The following C5orf34 variants were observed in gnomAD, a reference collection of about 807,000 sequenced individuals.
C5orf34 encodes the protein uncharacterized protein C5orf34.
Under a neutral mutation model 78.4 loss-of-function variants are expected in C5orf34, and 73 were observed. The observed-to-expected ratio is 0.93, with a 90% CI of 0.77 to 1.13. The LOEUF (loss-of-function observed/expected upper bound fraction) is 1.13, where lower values mean the gene tolerates loss of function less well. Among genes scored for constraint, C5orf34 ranks in the 50% most tolerant of loss-of-function variants. C5orf34 has a pLI of 0.00. For missense variants in C5orf34, 730 were observed against 732.7 expected (o/e 1.00, Z 0.04); for synonymous variants, 251 against 246.6 (o/e 1.02, Z -0.17).
intron 12 of C5orf34, 78 bp downstream of exon 12, chr5:43,487,831 A>C: frequency 2.8e-6 from 3 of 1,068,200 alleles, no homozygotes; most frequent in Non-Finnish European, 4.2e-6. Context: ...TAATATTCAC[A>C]AAGTACTGAA....
chr5:43,513,771 T>G (rs1746371459), intron 1 of C5orf34, among the ~76,000 whole-genome samples: 1 of 152,212 alleles, frequency 6.6e-6, no homozygotes, highest in South Asian at 2.1e-4. Flanking sequence ...CAAATGTAAC[T>G]CCTACAAGGG....
intron 6 of C5orf34, chr5:43,496,600 T>A: frequency 4.6e-6 from 2 of 432,492 alleles, no homozygotes; most frequent in South Asian, 6.4e-5. Context: ...TTTTTTTTTT[T>A]TTTTTGGAGA....
chr5:43,510,498 C>G (rs1746182634), intron 1 of C5orf34, among the ~76,000 whole-genome samples: 1 of 152,224 alleles, frequency 6.6e-6, no homozygotes. Context: ...CTAGCGGAAG[C>G]TGGACTGTAC....
chr5:43,505,601 C>G (rs1343798959), intron 4 of C5orf34, 147 bp downstream of exon 4: 1 of 692,474 alleles, frequency 1.4e-6, no homozygotes, highest in South Asian at 2.5e-5. Flanking sequence ...AACACATTTG[C>G]TAGGGAAATT....
chr5:43,512,477 C>T (rs1033216274), intron 1 of C5orf34, among the ~76,000 whole-genome samples: 1 of 152,196 alleles, frequency 6.6e-6, no homozygotes, highest in African/African-American at 2.4e-5. Context: ...TCGCAATGGT[C>T]GCCAATGTCT....
At chr5:43,500,723 G>A (rs1006231283) in intron 6 of C5orf34, among the ~76,000 whole-genome samples, 7 of 152,168 alleles carry the variant, frequency 4.6e-5, no homozygotes, top group African/African-American at 1.7e-4. Flanking sequence ...ACGTAAGTTT[G>A]AAGATTTCAA....
chr5:43,510,493 G>A (rs190930983), intron 1 of C5orf34, among the ~76,000 whole-genome samples: 20 of 152,260 alleles, frequency 1.3e-4, no homozygotes, highest in East Asian at 5.8e-4. Context: ...GATGCCTAGC[G>A]GAAGCTGGAC....
chr5:43,508,664 C>G lies in C5orf34; in HGVS notation c.198G>C (p.Glu66Asp), dbSNP rs1746094298. 2 of 1,574,960 alleles carry G rather than the reference C, an allele frequency of 1.3e-6. No individual in the cohort carries two copies. Among genetic ancestry groups the G allele is most frequent in the East Asian group, 2.2e-5 (1 of 44,662 alleles). Residue 66 changes from glutamate (E) to aspartate (D), a missense_variant and splice_region_variant, in exon 3 of 13, where the codon GAG (glutamate) becomes GAC (aspartate). Transcript: ENST00000306862. The stretch of plus-strand genomic sequence containing the variant: ...GAAAATCTAGGGCTCGCTGTAGTTG[C>G]TCCTATGAAAAGAAATATAAAATGT... ...RTHFVISTYR[E>D]QLQRALDFRN... is the part of the protein sequence containing the mutation.
At chr5:43,495,975 A>G (rs1167684114) in intron 6 of C5orf34, 6 of 1,590,988 alleles carry the variant, frequency 3.8e-6, no homozygotes, top group South Asian at 1.1e-5. Flanking sequence ...TTCTGGCTGT[A>G]GGGTGGCTCA....
At chr5:43,496,417 A>G (rs1300052525) in intron 6 of C5orf34, 24 of 1,594,586 alleles carry the variant, frequency 1.5e-5, no homozygotes, top group African/African-American at 6.7e-5. Flanking sequence ...TACGTGTCCA[A>G]TGACGACAAT....
chr5:43,489,871 T>G (rs887139812), intron 11 of C5orf34, among the ~76,000 whole-genome samples: 1 of 152,092 alleles, frequency 6.6e-6, no homozygotes, highest in African/African-American at 2.4e-5. Context: ...TATATTCAGG[T>G]TAGACTCTCA....
chr5:43,492,649 A>G, intron 9 of C5orf34, 71 bp downstream of exon 9: 1 of 1,287,648 alleles, frequency 7.8e-7, no homozygotes, highest in Non-Finnish European at 1.1e-6. Flanking sequence ...ATAGTGTGGT[A>G]CTTTGTTTTC....
chr5:43,492,961 A>G, intron 8 of C5orf34, 71 bp from the exon 9 acceptor site: 1 of 1,042,680 alleles, frequency 9.6e-7, no homozygotes, highest in Non-Finnish European at 1.4e-6. Context: ...AATATTAATG[A>G]CTCTAGGGCA....
intron 11 of C5orf34, among the ~76,000 whole-genome samples, chr5:43,489,453 A>G (rs905102644): frequency 4.6e-5 from 7 of 152,020 alleles, no homozygotes; most frequent in Non-Finnish European, 1.0e-4. Context: ...ACCAATCTCT[A>G]CTTGCAGTTT....
chr5:43,502,985 A>T lies in C5orf34; in HGVS notation c.1029-490T>A, dbSNP rs2112310248. 2.6e-5 allele frequency among the ~76,000 whole-genome samples: 4 copies of T among 152,368 alleles called. No homozygotes were observed. In the South Asian group the frequency reaches 8.3e-4, roughly 32 times the overall value. On this transcript the variant is annotated intron_variant, in intron 5 of 12. Coordinates refer to ENST00000306862, the MANE Select transcript of C5orf34 (RefSeq NM_198566.4). ...CAGGTACAATCAAGGTACTGGGTAT[A>T]TACCAAATAGAAACTTAAGCCAAGT... is the stretch of plus-strand genomic sequence containing the variant.
chr5:43,511,392 GCTCCGTCCGGGAGGGAGGTGGGGGGCGC>G (rs1398896221), intron 1 of C5orf34: 1 of 154,164 alleles, frequency 6.5e-6, no homozygotes, highest in Non-Finnish European at 1.4e-5. Flanking sequence ...CCGGCCAGCC[GCTCCGTCCGGGAGGGAGGTGGGGGGCGC>G]CTCCGCCCGG....
chr5:43,494,006 A>G (rs1430933923), intron 7 of C5orf34, among the ~76,000 whole-genome samples: 1 of 152,170 alleles, frequency 6.6e-6, no homozygotes, highest in East Asian at 1.9e-4. Flanking sequence ...TATTTTGGAA[A>G]TTGCTTGTAC....
chr5:43,513,492 T>A (rs1006463043), intron 1 of C5orf34, among the ~76,000 whole-genome samples: 4 of 152,232 alleles, frequency 2.6e-5, no homozygotes, highest in African/African-American at 9.6e-5. Flanking sequence ...TATCACTTCG[T>A]GGCTTAAAAC....
chr5:43,488,164 C>A, intron 11 of C5orf34: 1 of 527,490 alleles, frequency 1.9e-6, no homozygotes, highest in East Asian at 3.1e-5. Context: ...AAAGTCTACC[C>A]CTTGTAAATC....
Sources: allele counts gnomAD v4.1 joint callset (sites outside exome capture counted in the v4.1 genomes callset), GRCh38; gene constraint gnomAD v4.1.1; transcripts MANE v1.5; gene names NCBI Gene and HGNC (gene_info 2026-07-23, HGNC 2026-07-21).